The following TSC22D3 variants were observed in gnomAD, a reference collection of about 807,000 sequenced individuals.
TSC22D3 encodes TSC22 domain family protein 3.
Under a neutral mutation model 11.1 loss-of-function variants are expected in TSC22D3, and 4 were observed. The observed-to-expected ratio is 0.36, with a 90% confidence interval of 0.18 to 0.83. TSC22D3 has a LOEUF of 0.83. Among genes scored for constraint, TSC22D3 ranks in the 40% least tolerant of loss-of-function variants. The probability of loss-of-function intolerance (pLI) is 0.48; values close to 1 mark genes in which losing one functional copy is unlikely to be tolerated. For missense variants in TSC22D3, 118 were observed against 159.4 expected (o/e 0.74, Z 1.40); for synonymous variants, 77 against 70.3 (o/e 1.10, Z -0.48).
At chrX:107,757,560 T>C (rs1911802734) in intron 1 of TSC22D3, among the ~76,000 whole-genome samples, 1 of 112,275 alleles carries the variant, frequency 8.9e-6, no homozygotes, top group South Asian at 3.7e-4. Context: ...ATTTGCAACC[T>C]TGTTTCCAGA....
intron 2 of TSC22D3, 143 bp from the exon 3 acceptor site, chrX:107,714,892 C>T (rs1926929353): frequency 1.9e-6 from 1 of 529,336 alleles, no homozygotes; most frequent in African/African-American, 2.3e-5. Context: ...TCTGGCAAGT[C>T]CAATTCCTCG....
intron 1 of TSC22D3, 139 bp downstream of exon 1, chrX:107,774,961 G>A (rs1463366195): frequency 1.7e-5 from 12 of 695,734 alleles, no homozygotes; most frequent in South Asian, 2.7e-5. Context: ...CAACCTCAAG[G>A]TCCAGTCACT....
At chrX:107,768,546 G>T (rs1348575743) in intron 1 of TSC22D3, among the ~76,000 whole-genome samples, 1 of 112,432 alleles carries the variant, frequency 8.9e-6, no homozygotes, top group Non-Finnish European at 1.9e-5. Context: ...TTCAAGCTCT[G>T]TGCTTCCCAC....
intron 1 of TSC22D3, among the ~76,000 whole-genome samples, chrX:107,769,406 A>T (rs1306819282): frequency 8.9e-6 from 1 of 112,418 alleles, no homozygotes; most frequent in Non-Finnish European, 1.9e-5. Flanking sequence ...TGTATGATTC[A>T]ATTTATATGA....
intron 1 of TSC22D3, among the ~76,000 whole-genome samples, chrX:107,731,733 C>T (rs760332282): frequency 9.0e-6 from 1 of 110,892 alleles, no homozygotes; most frequent in Non-Finnish European, 1.9e-5. Context: ...GTCTTCAGGC[C>T]CTCGTCCTCA....
At chrX:107,748,870 T>A (rs981759321) in intron 1 of TSC22D3, among the ~76,000 whole-genome samples, 1 of 111,934 alleles carries the variant, frequency 8.9e-6, no homozygotes, top group Non-Finnish European at 1.9e-5. Flanking sequence ...AGCCACATGA[T>A]GTGAGAAGCA....
At chrX:107,751,910 C>G (rs914562739) in intron 1 of TSC22D3, among the ~76,000 whole-genome samples, 5 of 112,610 alleles carry the variant, frequency 4.4e-5, no homozygotes, top group African/African-American at 6.4e-5. Flanking sequence ...TTTGCTTACT[C>G]CTTTTGAAGG....
chrX:107,742,280 AAAGAGAGAG>A (rs1928441811), intron 1 of TSC22D3, among the ~76,000 whole-genome samples: 3 of 60,297 alleles, frequency 5.0e-5, no homozygotes, highest in Admixed American at 1.8e-4. Flanking sequence ...AGAGAGAGAG[AAAGAGAGAG>A]AGAGAGAGAG....
intron 1 of TSC22D3, chrX:107,716,406 C>G (rs1927032208): frequency 1.1e-6 from 1 of 952,361 alleles, no homozygotes. Flanking sequence ...GCCCCCTGCC[C>G]AGCCCTGTCT....
chrX:107,725,808 C>T lies in TSC22D3; in HGVS notation c.321-9858G>A, dbSNP rs183755166. Among the ~76,000 whole-genome samples the T allele has an allele frequency of 4.1e-3, 454 of 109,950 alleles. 4 individuals are homozygous for T. Among genetic ancestry groups the T allele is most frequent in the African/African-American group, 0.015 (439 of 29,503 alleles). On this transcript the variant is annotated intron_variant, in intron 1 of 2. Transcript: ENST00000372383. The stretch of plus-strand genomic sequence containing the variant: ...AGCCTGGCAGGTCAGGGACATGCGG[C>T]GGGGGAGGGGTGGGCATCGTTGTGG...
At chrX:107,749,435 T>C (rs1362078424) in intron 1 of TSC22D3, among the ~76,000 whole-genome samples, 2 of 109,602 alleles carry the variant, frequency 1.8e-5, no homozygotes, top group East Asian at 5.7e-4. Flanking sequence ...AATTCTGATA[T>C]GGAGAGAGAA....
intron 1 of TSC22D3, among the ~76,000 whole-genome samples, chrX:107,742,909 G>T (rs1928485009): frequency 8.9e-6 from 1 of 112,247 alleles, no homozygotes; most frequent in South Asian, 3.7e-4. Flanking sequence ...CCCGAGAGCA[G>T]CGCCCGTTCC....
chrX:107,769,745 ACT>A (rs1491557300), intron 1 of TSC22D3, among the ~76,000 whole-genome samples: 2 of 109,233 alleles, frequency 1.8e-5, no homozygotes, highest in South Asian at 3.9e-4. Flanking sequence ...ACACACACAC[ACT>A]AGTAGATGTG....
intron 1 of TSC22D3, chrX:107,717,104 G>A (rs1927089941): frequency 2.2e-6 from 2 of 902,040 alleles, no homozygotes; most frequent in Non-Finnish European, 2.7e-6. Flanking sequence ...GGAGGAGCCG[G>A]CTGCGTCACA....
Position 107,744,049 on chromosome X carries a change from C to T in TSC22D3, c.321-28099G>A, listed in dbSNP as rs755919665. 2.6e-4 allele frequency among the ~76,000 whole-genome samples: 29 copies of T among 112,288 alleles called. 1 individual carries two copies. In the South Asian group the frequency reaches 0.01, roughly 40 times the overall value. On this transcript the variant is annotated intron_variant, in intron 1 of 2. Transcript: ENST00000372383. ...ACTTTCTTAACATTTAAGCCTACTCCGTGGCCAGACTGTAGGTAGATGGTA... is the reference window on the plus strand; with the variant it reads ...ACTTTCTTAACATTTAAGCCTACTCTGTGGCCAGACTGTAGGTAGATGGTA...
chrX:107,767,815 C>T (rs775099710), intron 1 of TSC22D3, among the ~76,000 whole-genome samples: 2 of 112,198 alleles, frequency 1.8e-5, no homozygotes, highest in African/African-American at 3.2e-5. Context: ...ATGCCCTAAC[C>T]CTTGTCCCAT....
intron 1 of TSC22D3, among the ~76,000 whole-genome samples, chrX:107,761,562 A>G (rs1056781150): frequency 3.6e-5 from 4 of 112,278 alleles, no homozygotes; most frequent in African/African-American, 1.3e-4. Flanking sequence ...CCTCCATCCT[A>G]TACACCTGGC....
At chrX:107,773,368 T>C (rs1228264656) in intron 1 of TSC22D3, among the ~76,000 whole-genome samples, 1 of 111,646 alleles carries the variant, frequency 9.0e-6, no homozygotes, top group Non-Finnish European at 1.9e-5. Context: ...TCTCTCCCAG[T>C]TGAACAAATG....
At chrX:107,720,597 G>A (rs1927277188) in intron 1 of TSC22D3, among the ~76,000 whole-genome samples, 1 of 111,653 alleles carries the variant, frequency 9.0e-6, no homozygotes, top group Non-Finnish European at 1.9e-5. Context: ...GGAGGCTGAG[G>A]CAGAAGAATC....
Sources: allele counts gnomAD v4.1 joint callset (sites outside exome capture counted in the v4.1 genomes callset), GRCh38; gene constraint gnomAD v4.1.1; transcripts MANE v1.5; gene names NCBI Gene and HGNC (gene_info 2026-07-23, HGNC 2026-07-21).